The following VAT1L variants were observed in gnomAD, a reference collection of about 807,000 sequenced individuals.
VAT1L encodes vesicle amine transport 1 like, also known as putative NADPH-dependent quinone oxidoreductase VAT1L.
Under a neutral mutation model 44.1 loss-of-function variants are expected in VAT1L, and 34 were observed. The observed-to-expected ratio is 0.77, with a 90% CI of 0.59 to 1.03. The LOEUF (loss-of-function observed/expected upper bound fraction) is 1.03, where lower values mean the gene tolerates loss of function less well. Among genes scored for constraint, VAT1L ranks in the 50% least tolerant of loss-of-function variants. The pLI is 0.00. For synonymous variants in VAT1L, 253 were observed against 202.2 expected, an observed-to-expected ratio of 1.25 and a Z score of -2.13; for missense variants, 615 against 538.8, an observed-to-expected ratio of 1.14 and a Z score of -1.40.
At chr16:77,838,703 A>G (rs1009241974) in intron 3 of VAT1L, among the ~76,000 whole-genome samples, 6 of 133,194 alleles carry the variant, frequency 4.5e-5, no homozygotes, top group East Asian at 4.4e-4. Context: ...GTCCATTTCC[A>G]TCTCTCTTTC....
intron 1 of VAT1L, chr16:77,801,746 G>A (rs1274066584): frequency 6.7e-6 from 1 of 149,142 alleles, no homozygotes; most frequent in African/African-American, 2.5e-5. Context: ...CCCTCATCTA[G>A]GATCAGAAAG....
At chr16:77,920,587 A>T (rs1479951780) in intron 7 of VAT1L, among the ~76,000 whole-genome samples, 2 of 152,210 alleles carry the variant, frequency 1.3e-5, no homozygotes, top group Admixed American at 1.3e-4. Context: ...ATGTGTGTGG[A>T]TATAGTCATG....
chr16:77,823,807 C>T (rs1384589693), intron 2 of VAT1L, among the ~76,000 whole-genome samples: 1 of 152,064 alleles, frequency 6.6e-6, no homozygotes, highest in Non-Finnish European at 1.5e-5. Context: ...TCACTGAGGT[C>T]AGGAGTTCAC....
chr16:77,934,502 A>G (rs1202432842), intron 7 of VAT1L, among the ~76,000 whole-genome samples: 3 of 152,192 alleles, frequency 2.0e-5, no homozygotes, highest in Non-Finnish European at 2.9e-5. Flanking sequence ...CTCCAGAAGG[A>G]ACATGGCCCA....
intron 7 of VAT1L, among the ~76,000 whole-genome samples, chr16:77,957,503 G>C (rs1213227116): frequency 6.6e-6 from 1 of 152,098 alleles, no homozygotes; most frequent in Admixed American, 6.6e-5. Context: ...AAGGCGGGTA[G>C]ATCACAAGGT....
At chr16:77,855,954 G>T (rs1183178398) in intron 3 of VAT1L, among the ~76,000 whole-genome samples, 1 of 152,146 alleles carries the variant, frequency 6.6e-6, no homozygotes, top group African/African-American at 2.4e-5. Flanking sequence ...GGAGGTGGAG[G>T]TTGCAGTGAG....
intron 3 of VAT1L, among the ~76,000 whole-genome samples, chr16:77,834,628 A>G (rs190828262): frequency 6.6e-4 from 101 of 152,036 alleles, no homozygotes; most frequent in South Asian, 6.2e-3. Flanking sequence ...CTCTTCTCCT[A>G]TCCCCCGTCT....
At chr16:77,870,890 T>C (rs2017024374) in intron 4 of VAT1L, among the ~76,000 whole-genome samples, 1 of 152,176 alleles carries the variant, frequency 6.6e-6, no homozygotes, top group African/African-American at 2.4e-5. Context: ...TTCATGATTA[T>C]TTCATTAAAA....
rs1423988575 is a variant in VAT1L at position 77,804,376 on chromosome 16, G to A, written c.234-12545G>A. 7.2e-5 allele frequency among the ~76,000 whole-genome samples: 11 copies of A among 152,120 alleles called. 1 individual carries two copies. Among genetic ancestry groups the A allele is most frequent in the African/African-American group, 2.7e-4 (11 of 41,508 alleles). On this transcript the variant is annotated intron_variant, in intron 1 of 8. Coordinates refer to ENST00000302536, the MANE Select transcript of VAT1L (RefSeq NM_020927.3). Reference sequence around the variant, plus strand: ...AGGAGTGCTTGTTTTGGACCCTTTCGGACCTGGCTTTTCTGTTTCTGCTGA... The same window carrying A: ...AGGAGTGCTTGTTTTGGACCCTTTCAGACCTGGCTTTTCTGTTTCTGCTGA...
chr16:77,957,315 T>G (rs2018114165), intron 7 of VAT1L, among the ~76,000 whole-genome samples: 1 of 152,216 alleles, frequency 6.6e-6, no homozygotes, highest in Non-Finnish European at 1.5e-5. Flanking sequence ...CAGTGTTACC[T>G]GGAAGCAAGG....
chr16:77,971,987 T>A (rs552000351), intron 8 of VAT1L, 54 bp downstream of exon 8: 2 of 1,545,918 alleles, frequency 1.3e-6, no homozygotes, highest in East Asian at 2.3e-5. Context: ...GCACCACGGG[T>A]CAATCAGATG....
At chr16:77,826,048 AAG>A (rs201156619) in intron 3 of VAT1L, among the ~76,000 whole-genome samples, 12,163 of 86,202 alleles carry the variant, frequency 0.14, 4,678 homozygotes, top group South Asian at 0.17. Context: ...AAAAAAAAAA[AAG>A]AAAGAAATTA....
chr16:77,918,953 C>T lies in VAT1L; in HGVS notation c.1077+34151C>T, dbSNP rs2017581305. On this transcript the variant is annotated intron_variant, in intron 7 of 8. Coordinates refer to ENST00000302536, the MANE Select transcript of VAT1L (RefSeq NM_020927.3). Reference sequence around the variant, plus strand: ...AAAATTAAGTTGCTCAGGAAGCAGGCACCATCCATCATTCCTTCCTATCTA... The same window carrying T: ...AAAATTAAGTTGCTCAGGAAGCAGGTACCATCCATCATTCCTTCCTATCTA... Among the ~76,000 whole-genome samples the T allele has an allele frequency of 2.0e-5, 3 of 152,200 alleles. No homozygotes were observed. In the South Asian group the frequency reaches 6.2e-4, roughly 32 times the overall value.
At chr16:77,854,131 C>G (rs370304859) in intron 3 of VAT1L, among the ~76,000 whole-genome samples, 26 of 148,608 alleles carry the variant, frequency 1.7e-4, no homozygotes, top group African/African-American at 5.9e-4. Context: ...CTGTCTCAAA[C>G]GAAAAAAAAA....
intron 7 of VAT1L, among the ~76,000 whole-genome samples, chr16:77,891,226 C>T (rs530688563): frequency 1.5e-3 from 222 of 152,106 alleles, no homozygotes; most frequent in African/African-American, 5.1e-3. Context: ...TGATGGCAGG[C>T]GCTTGTAGTC....
rs369311442 is a variant in VAT1L, at chr16:77,858,011, C to G, written c.580-4737C>G. 1.8e-3 allele frequency among the ~76,000 whole-genome samples: 272 copies of G among 152,238 alleles called. 1 individual carries two copies. The highest frequency in any genetic ancestry group is 5.3e-3 in the African/African-American group (220 of 41,544). ...AAGGGCTGCCCCCATACACTCAACT[C>G]CTCCAGTTTCTCATGCATCCGTCCA... On this transcript the variant is annotated intron_variant, in intron 3 of 8. Transcript: ENST00000302536.
intron 7 of VAT1L, among the ~76,000 whole-genome samples, chr16:77,924,674 C>A (rs1468015982): frequency 6.6e-6 from 1 of 152,138 alleles, no homozygotes; most frequent in East Asian, 1.9e-4. Context: ...GTTGGCCAGG[C>A]TGGTCTTGAA....
At chr16:77,849,996 G>T (rs1264615699) in intron 3 of VAT1L, among the ~76,000 whole-genome samples, 6 of 152,196 alleles carry the variant, frequency 3.9e-5, no homozygotes, top group Non-Finnish European at 7.3e-5. Context: ...TGAAACCAAG[G>T]TCAGGCTCCT....
chr16:77,961,941 T>C lies in VAT1L; in HGVS notation c.1078-9909T>C, dbSNP rs543117276. ...GTCATCATTTTTGTCATTATCATCA[T>C]TGCATTGTGACAAATCCCTCACTGG... On this transcript the variant is annotated intron_variant, in intron 7 of 8. Transcript: ENST00000302536. 9.8e-5 allele frequency among the ~76,000 whole-genome samples: 15 copies of C among 152,318 alleles called. No individual in the cohort carries two copies. In the East Asian group the frequency reaches 2.5e-3, roughly 25 times the overall value.
Sources: allele counts gnomAD v4.1 joint callset (sites outside exome capture counted in the v4.1 genomes callset), GRCh38; gene constraint gnomAD v4.1.1; transcripts MANE v1.5; gene names NCBI Gene and HGNC (gene_info 2026-07-23, HGNC 2026-07-21).